ZBTB20: variants seen among roughly 807,000 people sequenced by gnomAD.
ZBTB20 encodes the protein zinc finger and BTB domain-containing protein 20.
ZBTB20 carries 9 observed loss-of-function variants against 56.9 expected under a neutral mutation model. The observed-to-expected ratio is 0.16, with a 90% CI of 0.10 to 0.28. ZBTB20 has a LOEUF of 0.28. Ranked by LOEUF, ZBTB20 falls within the 10% of genes least tolerant of loss-of-function variation. The pLI, the probability that ZBTB20 is intolerant of heterozygous loss-of-function variation, is 1.00. For missense variants in ZBTB20, 655 were observed against 1,003.0 expected (o/e 0.65, Z 4.69); for synonymous variants, 417 against 420.7 (o/e 0.99, Z 0.11).
intron 7 of ZBTB20, among the ~76,000 whole-genome samples, chr3:114,397,660 CTTCAAGA>C (rs2086453571): frequency 6.6e-6 from 1 of 151,654 alleles, no homozygotes; most frequent in Non-Finnish European, 1.5e-5. Context: ...CATACTGGAA[CTTCAAGA>C]TGCATCTCAA....
chr3:114,561,590 T>G (rs2052059236), intron 6 of ZBTB20, among the ~76,000 whole-genome samples: 1 of 152,148 alleles, frequency 6.6e-6, no homozygotes, highest in Admixed American at 6.6e-5. Context: ...AATCTCTTTT[T>G]TCTGAGTGGT....
At chr3:114,835,618 G>A (rs995149179) in intron 4 of ZBTB20, among the ~76,000 whole-genome samples, 1 of 152,012 alleles carries the variant, frequency 6.6e-6, no homozygotes, top group South Asian at 2.1e-4. Flanking sequence ...CAATACATTG[G>A]TTCAGAATTA....
chr3:114,804,946 A>C (rs1446085253), intron 4 of ZBTB20, among the ~76,000 whole-genome samples: 1 of 151,902 alleles, frequency 6.6e-6, no homozygotes, highest in Non-Finnish European at 1.5e-5. Context: ...TTTTCTTTTT[A>C]TAACTGGTTA....
At chr3:114,391,635 A>T (rs2085883729) in intron 7 of ZBTB20, among the ~76,000 whole-genome samples, 1 of 152,190 alleles carries the variant, frequency 6.6e-6, no homozygotes, top group South Asian at 2.1e-4. Context: ...GTGGGCCATG[A>T]CTTCTTGCAC....
At position 114,330,099 on chromosome 3, in the gene ZBTB20, T is replaced by G. The variant is rs975639588; in HGVS notation, c.*8906A>C. The G allele has an allele frequency of 6.6e-6, 1 of 152,254 alleles. No individual in the cohort carries two copies. Among genetic ancestry groups the G allele is most frequent in the Admixed American group, 6.5e-5 (1 of 15,290 alleles). The allele number at this position is 152,254 out of a possible 1,614,324, so 9.4% of individuals were successfully genotyped here. Reference sequence around the variant, plus strand: ...GAGTGGGTCAGCTAAACAAGATCACTTTGAATATGAACCTCTTTGTATTAG... The same window carrying G: ...GAGTGGGTCAGCTAAACAAGATCACGTTGAATATGAACCTCTTTGTATTAG... On this transcript the variant is annotated 3_prime_UTR_variant, in exon 12 of 12. Transcript: ENST00000675478.
At chr3:114,992,521 G>A (rs1025065666) in intron 2 of ZBTB20, among the ~76,000 whole-genome samples, 1 of 151,898 alleles carries the variant, frequency 6.6e-6, no homozygotes, top group East Asian at 1.9e-4. Flanking sequence ...CAGACAAAAA[G>A]AAAGAACTCA....
At position 114,590,920 on chromosome 3, in the gene ZBTB20, A is replaced by G. The variant is rs868239631; in HGVS notation, c.-294-90529T>C. Among the ~76,000 whole-genome samples, 9 of 152,366 alleles carry G rather than the reference A, an allele frequency of 5.9e-5. No homozygotes were observed. The South Asian group carries it at 6.2e-4, about 11-fold the overall frequency. On this transcript the variant is annotated intron_variant, in intron 6 of 11. Transcript: ENST00000675478. ...TCTCACAACTTCCCTTTCAGTGTTT[A>G]GCACTCACTATTAATAACCTATCTC... is the stretch of plus-strand genomic sequence containing the variant.
intron 8 of ZBTB20, among the ~76,000 whole-genome samples, chr3:114,386,690 G>A (rs114118434): frequency 0.011 from 1,704 of 152,262 alleles, 14 homozygotes; most frequent in Non-Finnish European, 0.018. Context: ...AAGGACAAGA[G>A]AGCCTGGGTA....
At chr3:114,506,941 C>G (rs937329487) in intron 6 of ZBTB20, among the ~76,000 whole-genome samples, 1 of 152,150 alleles carries the variant, frequency 6.6e-6, no homozygotes, top group African/African-American at 2.4e-5. Flanking sequence ...ATCTCCCAAG[C>G]CTAGCATAGT....
chr3:114,775,296 C>A (rs115150575), intron 5 of ZBTB20, among the ~76,000 whole-genome samples: 5,206 of 152,192 alleles, frequency 0.034, 145 homozygotes, highest in African/African-American at 0.07. Flanking sequence ...CCTTCCTTTG[C>A]CCCACTTGTT....
At position 114,930,015 on chromosome 3, in the gene ZBTB20, C is replaced by T. The variant is rs547772749; in HGVS notation, c.-455-29673G>A. Among the ~76,000 whole-genome samples the T allele has an allele frequency of 9.2e-5, 14 of 152,288 alleles. No individual in the cohort carries two copies. In the South Asian group the frequency reaches 2.7e-3, roughly 29 times the overall value. On this transcript the variant is annotated intron_variant, in intron 3 of 11. Transcript: ENST00000675478. ...AAATGAATAAGAGTACAACAGAGTT[C>T]AGATGAAGCTCGTTTCTTGCCAAAA...
At chr3:115,145,972 G>GA (rs1445414947) in intron 1 of ZBTB20, among the ~76,000 whole-genome samples, 1 of 152,164 alleles carries the variant, frequency 6.6e-6, no homozygotes, top group Non-Finnish European at 1.5e-5. Context: ...GCCACGCAGT[G>GA]AGGAAACTTG....
chr3:114,500,159 T>C (rs1208676722), intron 7 of ZBTB20, among the ~76,000 whole-genome samples, 193 bp downstream of exon 7: 2 of 152,162 alleles, frequency 1.3e-5, no homozygotes, highest in Non-Finnish European at 1.5e-5. Flanking sequence ...CCACTGGTAT[T>C]TTCTGCACCC....
chr3:114,766,818 G>A (rs1317622734), intron 5 of ZBTB20, among the ~76,000 whole-genome samples: 4 of 151,928 alleles, frequency 2.6e-5, no homozygotes, highest in African/African-American at 4.8e-5. Flanking sequence ...CAAGAAAACT[G>A]CTTTGCAACA....
chr3:114,781,838 G>C (rs544814547), intron 5 of ZBTB20, among the ~76,000 whole-genome samples: 2 of 152,096 alleles, frequency 1.3e-5, no homozygotes, highest in Admixed American at 1.3e-4. Context: ...TTCCCCTTTC[G>C]CTTGGCTCTT....
At chr3:115,094,665 A>C (rs1033835724) in intron 1 of ZBTB20, among the ~76,000 whole-genome samples, 5 of 151,972 alleles carry the variant, frequency 3.3e-5, no homozygotes, top group Non-Finnish European at 5.9e-5. Flanking sequence ...TGCAACAACA[A>C]ATCACAATTT....
At chr3:114,909,307 G>C (rs969821452) in intron 3 of ZBTB20, among the ~76,000 whole-genome samples, 1 of 151,984 alleles carries the variant, frequency 6.6e-6, no homozygotes, top group Admixed American at 6.6e-5. Flanking sequence ...ACAGAATAAA[G>C]ATGTAAAGAA....
In ZBTB20 at chr3:114,794,274, A is replaced by G. The variant is rs2071187605; in HGVS notation, c.-343+6827T>C. The stretch of plus-strand genomic sequence containing the variant: ...ATATTAGGTAAATGGATTGTAATAT[A>G]TATTGTTCAGATTTTTTATTAATTA... On this transcript the variant is annotated intron_variant, in intron 5 of 11. Transcript: ENST00000675478. 2.0e-5 allele frequency among the ~76,000 whole-genome samples: 3 copies of G among 152,138 alleles called. No homozygotes were observed. In the South Asian group the frequency reaches 6.2e-4, roughly 32 times the overall value.
At chr3:114,748,352 T>TCTTTTCTCTCTCTCTCTC (rs374192570) in intron 5 of ZBTB20, among the ~76,000 whole-genome samples, 37 of 48,652 alleles carry the variant, frequency 7.6e-4, no homozygotes, top group African/African-American at 1.7e-3. Flanking sequence ...TTTCTTTCTT[T>TCTTTTCTCTCTCTCTCTC]TCTCTCTCTC....
Sources: allele counts gnomAD v4.1 joint callset (sites outside exome capture counted in the v4.1 genomes callset), GRCh38; gene constraint gnomAD v4.1.1; transcripts MANE v1.5; gene names NCBI Gene and HGNC (gene_info 2026-07-23, HGNC 2026-07-21).